The following LARP1B variants were observed in gnomAD, a reference collection of about 807,000 sequenced individuals.
The protein encoded by LARP1B is La ribonucleoprotein 1B.
LARP1B carries 76 observed loss-of-function variants against 114.2 expected under a neutral mutation model. That is an observed-to-expected ratio of 0.67 (90% CI 0.55 to 0.81). The LOEUF is 0.81. LARP1B is among the 30% of genes least tolerant of loss of function. The pLI, the probability that LARP1B is intolerant of heterozygous loss-of-function variation, is 0.00. For synonymous variants in LARP1B, 345 were observed against 348.0 expected (o/e 0.99, Z 0.10); for missense variants, 1,014 against 1,075.8 (o/e 0.94, Z 0.80).
At chr4:128,100,209 C>A (rs1045092888) in intron 8 of LARP1B, among the ~76,000 whole-genome samples, 1 of 152,126 alleles carries the variant, frequency 6.6e-6, no homozygotes, top group African/African-American at 2.4e-5. Context: ...GCGATCCATC[C>A]GCCTTGGCCT....
chr4:128,077,774 A>AGTTTC lies in LARP1B; in HGVS notation c.43-14_43-13insGTTTC. 6.6e-7 allele frequency: 1 copy of AGTTTC among 1,519,886 alleles called. No homozygotes were observed. The highest frequency in any genetic ancestry group is 8.8e-7 in the Non-Finnish European group (1 of 1,137,084). The allele number at this position is 1,519,886 out of a possible 1,614,324, so 94.1% of individuals were successfully genotyped here. A position where few individuals can be genotyped will look rare whatever the true frequency, so the allele number is the denominator to read the frequency against. On this transcript the variant is annotated splice_polypyrimidine_tract_variant and intron_variant, in intron 3 of 19. Transcript: ENST00000326639. The stretch of plus-strand genomic sequence containing the variant: ...ATTAATGGAAATCATTTCATTCTGA[A>AGTTTC]AACCTTTTTGCAGTTTCAGAGCGTC...
intron 15 of LARP1B, among the ~76,000 whole-genome samples, chr4:128,186,481 T>G (rs1053408330): frequency 6.8e-6 from 1 of 146,784 alleles, no homozygotes; most frequent in Non-Finnish European, 1.5e-5. Context: ...AATGCTACTG[T>G]TTTTTTGTAT....
chr4:128,145,266 T>C (rs556538464), intron 11 of LARP1B, among the ~76,000 whole-genome samples: 1 of 152,234 alleles, frequency 6.6e-6, no homozygotes, highest in African/African-American at 2.4e-5. Flanking sequence ...CTAGAGTAGG[T>C]CTTATTCTCT....
rs765563350 is a variant in LARP1B at position 128,121,872 on chromosome 4, C to T, written c.1208C>T (p.Ser403Leu). 3 of 1,609,728 alleles carry T rather than the reference C, an allele frequency of 1.9e-6. No individual in the cohort carries two copies. Among genetic ancestry groups the T allele is most frequent in the Non-Finnish European group, 2.5e-6 (3 of 1,178,402 alleles). Reference sequence around the variant, plus strand: ...GGGTCATTAAATCAGCTATGTTCTTCAGAAGAACCAGAACAAGAAGAACTT... The same window carrying T: ...GGGTCATTAAATCAGCTATGTTCTTTAGAAGAACCAGAACAAGAAGAACTT... Reference protein sequence around the residue: ...PEGSLNQLCSSEEPEQEELDF... With the variant: ...PEGSLNQLCSLEEPEQEELDF... The change falls in exon 11 of 20, where the codon TCA (serine) becomes TTA (leucine). Residue 403 changes from serine to leucine, a missense_variant. Transcript: ENST00000326639.
chr4:128,105,548 C>G (rs1409109990), intron 8 of LARP1B, among the ~76,000 whole-genome samples: 3 of 152,136 alleles, frequency 2.0e-5, no homozygotes, highest in African/African-American at 7.2e-5. Context: ...TTTCAGACTC[C>G]CTTCTCAAAG....
chr4:128,118,880 TC>T (rs1423830193), intron 10 of LARP1B, among the ~76,000 whole-genome samples: 1 of 89,712 alleles, frequency 1.1e-5, no homozygotes, highest in Non-Finnish European at 2.5e-5. Context: ...GATTCCACAG[TC>T]TTTTTTTTTT....
Position 128,063,221 on chromosome 4 carries a change from G to A in LARP1B, c.-78+1820G>A, listed in dbSNP as rs546642859. Among the ~76,000 whole-genome samples, 7 of 151,468 alleles carry A rather than the reference G, an allele frequency of 4.6e-5. 1 individual carries two copies. In the South Asian group the frequency reaches 1.2e-3, roughly 27 times the overall value. ...GCGGGCGGATCACCTGAGGTGAGGA[G>A]TTCGAGACCAGGCTGGCCAATATGG... On this transcript the variant is annotated intron_variant, in intron 1 of 19. Coordinates refer to ENST00000326639, the MANE Select transcript of LARP1B (RefSeq NM_018078.4).
intron 10 of LARP1B, among the ~76,000 whole-genome samples, chr4:128,118,945 A>G (rs1786959032): frequency 6.8e-6 from 1 of 147,898 alleles, no homozygotes; most frequent in African/African-American, 2.5e-5. Context: ...TGGCAGTGTG[A>G]TCTCGGCTCA....
chr4:128,096,735 G>A (rs1449207499), intron 7 of LARP1B, among the ~76,000 whole-genome samples: 1 of 151,820 alleles, frequency 6.6e-6, no homozygotes, highest in Non-Finnish European at 1.5e-5. Flanking sequence ...CGAGTAGCTG[G>A]GACTACAGGC....
intron 5 of LARP1B, among the ~76,000 whole-genome samples, chr4:128,086,350 G>GA (rs540853212): frequency 4.2e-4 from 63 of 151,806 alleles, no homozygotes; most frequent in South Asian, 1.9e-3. Context: ...CTTTTTTTGA[G>GA]ACAGGGTCTC....
rs1433587479 is a variant in LARP1B at position 128,114,731 on chromosome 4, G to C, written c.1150G>C (p.Val384Leu). The C allele has an allele frequency of 6.2e-7, 1 of 1,613,918 alleles. No homozygotes were observed. Among genetic ancestry groups the C allele is most frequent in the Non-Finnish European group, 8.5e-7 (1 of 1,180,006 alleles). ...EVKKRHQPAP[V>L]KLRESVSVPE... ...TAAAAAAAGACATCAGCCAGCCCCA[G>C]TGAAATTGAGGGTAAGTTGTTACAG... is the stretch of plus-strand genomic sequence containing the variant. The change falls in exon 10 of 20, where the codon GTG (valine) becomes CTG (leucine). Residue 384 changes from valine to leucine, a missense_variant. Val to Leu is a conservative substitution (Grantham distance 32, BLOSUM62 1). Coordinates refer to ENST00000326639, the MANE Select transcript of LARP1B (RefSeq NM_018078.4).
At chr4:128,087,089 T>C (rs1773901006) in intron 5 of LARP1B, among the ~76,000 whole-genome samples, 1 of 152,134 alleles carries the variant, frequency 6.6e-6, no homozygotes, top group Non-Finnish European at 1.5e-5. Context: ...CTGGCTAATT[T>C]TTGTGGTTTT....
At chr4:128,074,800 A>G (rs1410769977) in intron 2 of LARP1B, 134 bp from the exon 3 acceptor site, 1 of 594,158 alleles carries the variant, frequency 1.7e-6, no homozygotes, top group African/African-American at 1.9e-5. Flanking sequence ...CTTTTTGATT[A>G]ATTTGGCAGA....
chr4:128,167,349 T>G (rs1741570997), intron 12 of LARP1B, among the ~76,000 whole-genome samples: 1 of 152,050 alleles, frequency 6.6e-6, no homozygotes, highest in Non-Finnish European at 1.5e-5. Flanking sequence ...ATATACCTGT[T>G]GGCATTGTTA....
Position 128,076,925 on chromosome 4 carries a change from G to A in LARP1B, c.43-863G>A, listed in dbSNP as rs1429522717. 3.3e-5 allele frequency among the ~76,000 whole-genome samples: 5 copies of A among 151,894 alleles called. 1 individual carries two copies. The South Asian group carries it at 6.2e-4, about 19-fold the overall frequency. ...GTATTTTTTGTAGAGATGGGGTTTC[G>A]TCATGTGCCCAGGCTGGTCTCAAAC... On this transcript the variant is annotated intron_variant, in intron 3 of 19. Coordinates refer to ENST00000326639, the MANE Select transcript of LARP1B (RefSeq NM_018078.4).
At chr4:128,205,917 A>G (rs1383896560) in intron 17 of LARP1B, among the ~76,000 whole-genome samples, 5 of 152,214 alleles carry the variant, frequency 3.3e-5, no homozygotes, top group African/African-American at 1.2e-4. Context: ...GGTTCTCAGT[A>G]TACCTTCATG....
intron 17 of LARP1B, among the ~76,000 whole-genome samples, chr4:128,204,890 T>C (rs978253971): frequency 6.6e-6 from 1 of 151,926 alleles, no homozygotes; most frequent in African/African-American, 2.4e-5. Context: ...CCTGATTCCA[T>C]TGGTTTGGAG....
chr4:128,078,550 G>A (rs1051475690), intron 4 of LARP1B, among the ~76,000 whole-genome samples: 4 of 151,544 alleles, frequency 2.6e-5, no homozygotes, highest in South Asian at 2.1e-4. Flanking sequence ...GCAGTGAGCC[G>A]AGGTCGCGCC....
intron 10 of LARP1B, among the ~76,000 whole-genome samples, chr4:128,118,660 T>C (rs1786850401): frequency 6.6e-6 from 1 of 152,114 alleles, no homozygotes; most frequent in Non-Finnish European, 1.5e-5. Flanking sequence ...CCTTGATAGA[T>C]CATCTAAATA....
Sources: gnomAD v4.1 joint callset for allele counts (sites outside exome capture counted in the v4.1 genomes callset) on GRCh38, gnomAD v4.1.1 for gene constraint, MANE v1.5 for transcripts, NCBI Gene and HGNC (gene_info 2026-07-23, HGNC 2026-07-21) for gene names.